The following LRRC7 variants were observed in gnomAD, a reference collection of about 807,000 sequenced individuals.
The protein encoded by LRRC7 is leucine-rich repeat-containing protein 7.
LRRC7 carries 23 observed loss-of-function variants against 175.7 expected under a neutral mutation model. The observed-to-expected ratio is 0.13, with a 90% confidence interval of 0.09 to 0.19. LRRC7 has a LOEUF of 0.19. Ranked by LOEUF, LRRC7 falls within the 10% of genes least tolerant of loss-of-function variation. The pLI is 1.00. For synonymous variants in LRRC7, 685 were observed against 680.9 expected (o/e 1.01, Z -0.09); for missense variants, 1,354 against 1,904.7 (o/e 0.71, Z 5.38).
chr1:69,635,244 A>G (rs942780656), intron 1 of LRRC7, among the ~76,000 whole-genome samples: 7 of 152,144 alleles, frequency 4.6e-5, no homozygotes, highest in Non-Finnish European at 1.0e-4. Context: ...ATGTCCCTGC[A>G]AAGAACATGA....
At chr1:69,943,533 G>A (rs111417592) in intron 8 of LRRC7, among the ~76,000 whole-genome samples, 1 of 152,130 alleles carries the variant, frequency 6.6e-6, no homozygotes, top group Non-Finnish European at 1.5e-5. Context: ...TGACAATTCT[G>A]TGAATATACT....
chr1:69,920,709 A>G (rs1646865252), intron 7 of LRRC7, among the ~76,000 whole-genome samples: 1 of 152,168 alleles, frequency 6.6e-6, no homozygotes. Flanking sequence ...TTAGCTCATT[A>G]TGGTTCTCAC....
At chr1:69,753,283 C>CGTGTGT (rs199915847) in intron 2 of LRRC7, among the ~76,000 whole-genome samples, 1,641 of 131,204 alleles carry the variant, frequency 0.013, 25 homozygotes, top group East Asian at 0.039. Context: ...AAATCATTGT[C>CGTGTGT]GTGTGTGTGT....
chr1:69,997,201 C>G (rs900741336), intron 11 of LRRC7, among the ~76,000 whole-genome samples: 12 of 152,144 alleles, frequency 7.9e-5, no homozygotes, highest in South Asian at 2.1e-4. Flanking sequence ...CTCTCTGTTT[C>G]TCTGTTGTTG....
chr1:69,751,692 TA>T (rs1375577735), intron 2 of LRRC7, among the ~76,000 whole-genome samples: 1 of 152,106 alleles, frequency 6.6e-6, no homozygotes, highest in African/African-American at 2.4e-5. Flanking sequence ...TGGTCTATAG[TA>T]AGAATCATTC....
chr1:69,959,528 A>G (rs1441082691), intron 8 of LRRC7, among the ~76,000 whole-genome samples: 1 of 152,128 alleles, frequency 6.6e-6, no homozygotes, highest in African/African-American at 2.4e-5. Context: ...TCTAAGTGTT[A>G]TCTTTGGAAT....
chr1:69,642,535 C>A (rs1654365051), intron 1 of LRRC7, among the ~76,000 whole-genome samples: 1 of 151,996 alleles, frequency 6.6e-6, no homozygotes, highest in Non-Finnish European at 1.5e-5. Flanking sequence ...TGAGGAGTTT[C>A]TCTTTCTTTC....
At chr1:69,742,909 A>G (rs1188552725) in intron 2 of LRRC7, among the ~76,000 whole-genome samples, 3 of 152,016 alleles carry the variant, frequency 2.0e-5, no homozygotes, top group Non-Finnish European at 4.4e-5. Context: ...TTTACTAAGA[A>G]TAACAAGATA....
chr1:69,786,323 T>G (rs1674408445), intron 3 of LRRC7, among the ~76,000 whole-genome samples: 1 of 152,108 alleles, frequency 6.6e-6, no homozygotes, highest in Non-Finnish European at 1.5e-5. Flanking sequence ...AAGACTTTTT[T>G]TTCTCTCTCT....
intron 1 of LRRC7, among the ~76,000 whole-genome samples, chr1:69,617,623 A>G (rs940763996): frequency 1.1e-4 from 17 of 150,600 alleles, no homozygotes; most frequent in African/African-American, 3.7e-4. Flanking sequence ...AGTGGAGGAA[A>G]TGATTTTGTC....
intron 10 of LRRC7, among the ~76,000 whole-genome samples, chr1:69,994,214 A>G (rs1347061139): frequency 6.6e-6 from 1 of 152,206 alleles, no homozygotes; most frequent in Admixed American, 6.5e-5. Flanking sequence ...CTAATTAAAT[A>G]TTAAATCACA....
intron 23 of LRRC7, among the ~76,000 whole-genome samples, chr1:70,058,155 A>G (rs567740673): frequency 1.4e-3 from 214 of 151,972 alleles, no homozygotes; most frequent in African/African-American, 5.0e-3. Context: ...GATTGCAGGC[A>G]TTCACCACCA....
intron 8 of LRRC7, among the ~76,000 whole-genome samples, chr1:69,962,917 T>G (rs1388971263): frequency 6.6e-6 from 1 of 151,968 alleles, no homozygotes; most frequent in East Asian, 1.9e-4. Flanking sequence ...GTACAACAAG[T>G]GCTCATGACA....
chr1:69,657,128 G>A (rs964682067), intron 1 of LRRC7, among the ~76,000 whole-genome samples: 4 of 151,736 alleles, frequency 2.6e-5, no homozygotes, highest in African/African-American at 9.7e-5. Context: ...GTGTATGTGT[G>A]TGTGTGTGTT....
At chr1:69,639,739 T>C (rs928811034) in intron 1 of LRRC7, among the ~76,000 whole-genome samples, 3 of 151,840 alleles carry the variant, frequency 2.0e-5, no homozygotes, top group Non-Finnish European at 4.4e-5. Flanking sequence ...AGATTGCTTA[T>C]ATATTTTAGC....
At chr1:69,717,838 GAAA>G (rs1169678453) in intron 2 of LRRC7, among the ~76,000 whole-genome samples, 1,268 of 28,748 alleles carry the variant, frequency 0.044, 113 homozygotes, top group African/African-American at 0.059. Context: ...AAGAAAGAAA[GAAA>G]AAAGAAAGAA....
intron 5 of LRRC7, among the ~76,000 whole-genome samples, chr1:69,834,145 T>A (rs1261823188): frequency 1.3e-5 from 2 of 152,152 alleles, no homozygotes; most frequent in East Asian, 3.9e-4. Context: ...AATTTTTTGA[T>A]GCAGTTTATA....
chr1:69,771,800 T>A (rs1328497419), intron 3 of LRRC7, among the ~76,000 whole-genome samples: 1 of 151,994 alleles, frequency 6.6e-6, no homozygotes, highest in East Asian at 1.9e-4. Context: ...AATAAAAGTG[T>A]TAGGTGATGG....
chr1:69,757,373 G>T (rs1467524107), intron 2 of LRRC7, among the ~76,000 whole-genome samples: 1 of 151,918 alleles, frequency 6.6e-6, no homozygotes, highest in Admixed American at 6.6e-5. Context: ...CCAAGTTTTA[G>T]TTGGGTCTAT....
Sources: allele counts gnomAD v4.1 joint callset (sites outside exome capture counted in the v4.1 genomes callset), GRCh38; gene constraint gnomAD v4.1.1; transcripts MANE v1.5; gene names NCBI Gene and HGNC (gene_info 2026-07-23, HGNC 2026-07-21).